Variants in ACSBG2 observed in about 807,000 individuals in gnomAD.
The protein encoded by ACSBG2 is long-chain-fatty-acid--CoA ligase ACSBG2.
ACSBG2 carries 62 observed loss-of-function variants against 74.7 expected under a neutral mutation model. That is an observed-to-expected ratio of 0.83 (90% CI 0.68 to 1.03). The LOEUF (loss-of-function observed/expected upper bound fraction) is 1.03, where lower values mean the gene tolerates loss of function less well. Among genes scored for constraint, ACSBG2 ranks in the 50% least tolerant of loss-of-function variants. The pLI, the probability that ACSBG2 is intolerant of heterozygous loss-of-function variation, is 0.00. For synonymous variants in ACSBG2, 309 were observed against 294.1 expected (o/e 1.05, Z -0.52); for missense variants, 730 against 817.6 (o/e 0.89, Z 1.31).
chr19:6,181,153 G>C (rs1373714972), intron 8 of ACSBG2, among the ~76,000 whole-genome samples: 1 of 149,924 alleles, frequency 6.7e-6, no homozygotes, highest in African/African-American at 2.5e-5. Flanking sequence ...AAACCTGGGA[G>C]GCAAAGGCTG....
At chr19:6,149,993 G>A (rs1307927151) in intron 3 of ACSBG2, among the ~76,000 whole-genome samples, 1 of 151,848 alleles carries the variant, frequency 6.6e-6, no homozygotes, top group African/African-American at 2.4e-5. Flanking sequence ...CCAGCTACTC[G>A]GGAGGGTGAG....
At chr19:6,159,713 C>T (rs772303613) in intron 5 of ACSBG2, among the ~76,000 whole-genome samples, 1 of 152,126 alleles carries the variant, frequency 6.6e-6, no homozygotes, top group Non-Finnish European at 1.5e-5. Context: ...AATTCTCTAG[C>T]GGTTTTCTGT....
intron 14 of ACSBG2, chr19:6,191,968 C>CA (rs1224741319): frequency 6.7e-6 from 1 of 149,914 alleles, no homozygotes; most frequent in African/African-American, 2.5e-5. Flanking sequence ...GACCCTCTTA[C>CA]ACCAGTGCTG....
At chr19:6,171,588 G>A (rs916909008) in intron 7 of ACSBG2, among the ~76,000 whole-genome samples, 6 of 152,048 alleles carry the variant, frequency 3.9e-5, no homozygotes, top group Non-Finnish European at 7.4e-5. Context: ...TCCACTGTAC[G>A]TCTGATGGAA....
At chr19:6,166,137 TAG>T (rs2089792296) in intron 7 of ACSBG2, 122 bp downstream of exon 7, 1 of 1,253,942 alleles carries the variant, frequency 8.0e-7, no homozygotes, top group Admixed American at 2.3e-5. Flanking sequence ...CATTGGGGGT[TAG>T]AGAGTAGCGT....
chr19:6,153,910 G>GA (rs1285878799), intron 4 of ACSBG2, among the ~76,000 whole-genome samples: 2 of 140,676 alleles, frequency 1.4e-5, no homozygotes, highest in Non-Finnish European at 1.6e-5. Flanking sequence ...AGAAGGAAAA[G>GA]AAAAAAGAAA....
chr19:6,177,181 G>A (rs759925751), intron 7 of ACSBG2, 48 bp from the exon 8 acceptor site: 1 of 1,590,578 alleles, frequency 6.3e-7, no homozygotes, highest in South Asian at 1.1e-5. Flanking sequence ...AAAATAAAAT[G>A]GCCCTTCTAT....
chr19:6,143,188 T>G (rs10401447), intron 2 of ACSBG2, among the ~76,000 whole-genome samples: 111,687 of 151,924 alleles, frequency 0.74, 41,563 homozygotes, highest in African/African-American at 0.83. Flanking sequence ...GGCATTACAG[T>G]CATGCACCAC....
Position 6,162,706 on chromosome 19 carries a change from C to CT in ACSBG2, c.588+1412dup, listed in dbSNP as rs371163329. The stretch of plus-strand genomic sequence containing the variant: ...ACAGCAGGGTTTCTCAACCTCCTTG[C>CT]TGTTGACATTTGGGGCAGGTAATTC... On this transcript the variant is annotated intron_variant, in intron 6 of 14. Transcript: ENST00000588485. 2.0e-3 allele frequency among the ~76,000 whole-genome samples: 304 copies of CT among 152,120 alleles called. 2 individuals are homozygous for CT. Among genetic ancestry groups the CT allele is most frequent in the African/African-American group, 7.0e-3 (289 of 41,512 alleles).
chr19:6,144,942 G>T (rs528611663), intron 2 of ACSBG2, among the ~76,000 whole-genome samples: 1 of 151,832 alleles, frequency 6.6e-6, no homozygotes, highest in Non-Finnish European at 1.5e-5. Context: ...GTGATCTGCC[G>T]GCGTCGGCCT....
chr19:6,151,475 C>A lies in ACSBG2; in HGVS notation c.298-232C>A, dbSNP rs551008213. On this transcript the variant is annotated intron_variant, in intron 3 of 14. Coordinates refer to ENST00000588485, the MANE Select transcript of ACSBG2 (RefSeq NM_030924.5). The stretch of plus-strand genomic sequence containing the variant: ...AGTGTGTACCACCATGCCCGGCGAA[C>A]TTTTCCACTTTTTTTGTAAAGACAG... Among the ~76,000 whole-genome samples, 14 of 152,120 alleles carry A rather than the reference C, an allele frequency of 9.2e-5. No homozygotes were observed. The South Asian group carries it at 1.7e-3, about 18-fold the overall frequency.
chr19:6,182,806 C>T lies in ACSBG2; in HGVS notation c.962C>T (p.Pro321Leu). Residue 321 changes from proline (P) to leucine (L), a missense_variant, in exon 9 of 15, where the codon CCT (proline) becomes CTT (leucine). Pro to Leu is a moderately conservative substitution (Grantham distance 98). Coordinates refer to ENST00000588485, the MANE Select transcript of ACSBG2 (RefSeq NM_030924.5). Reference sequence around the variant, plus strand: ...AAACCTACTGTCTTCATTGGAGTGCCTCAAATTTGGGAGAAGATACATGAG... The same window carrying T: ...AAACCTACTGTCTTCATTGGAGTGCTTCAAATTTGGGAGAAGATACATGAG... ...EVKPTVFIGV[P>L]QIWEKIHEMV... 1 of 1,614,106 alleles carries T rather than the reference C, an allele frequency of 6.2e-7. No homozygotes were observed. Among genetic ancestry groups the T allele is most frequent in the African/African-American group, 1.3e-5 (1 of 75,004 alleles).
intron 7 of ACSBG2, chr19:6,176,162 C>A (rs964869481): frequency 9.9e-6 from 5 of 505,032 alleles, no homozygotes; most frequent in Non-Finnish European, 1.6e-5. Flanking sequence ...ATTAAAAAAA[C>A]CGTTAGACCT....
chr19:6,184,840 A>G lies in ACSBG2; in HGVS notation c.1323-596A>G, dbSNP rs1167866532. Among the ~76,000 whole-genome samples the G allele has an allele frequency of 1.2e-3, 124 of 103,944 alleles. 5 individuals are homozygous for G. The highest frequency in any genetic ancestry group is 6.6e-3 in the African/African-American group (115 of 17,464). 68.2% of individuals were successfully genotyped at this position (103,944 alleles called of 152,430 possible). On this transcript the variant is annotated intron_variant, in intron 10 of 14. Transcript: ENST00000588485. The stretch of plus-strand genomic sequence containing the variant: ...CCGGCATATGTGGAGATGAAAAAAA[A>G]AAAAAAAAAAAAAAAAAAAAAAAAA...
At chr19:6,150,642 G>A (rs559950549) in intron 3 of ACSBG2, among the ~76,000 whole-genome samples, 1 of 152,312 alleles carries the variant, frequency 6.6e-6, no homozygotes, top group East Asian at 1.9e-4. Context: ...CCCTAGAGTC[G>A]TTAGACTCAT....
chr19:6,174,780 T>C lies in ACSBG2; in HGVS notation c.739-2449T>C, dbSNP rs528972971. Among the ~76,000 whole-genome samples the C allele has an allele frequency of 2.3e-4, 35 of 152,162 alleles. No homozygotes were observed. Among genetic ancestry groups the C allele is most frequent in the Non-Finnish European group, 4.6e-4 (31 of 68,024 alleles). ...GTGAGCTATGATGCTGCCACTGCAC[T>C]CCAGCCTGGGTGACAGAGTGAGGCC... is the stretch of plus-strand genomic sequence containing the variant. On this transcript the variant is annotated intron_variant, in intron 7 of 14. Coordinates refer to ENST00000588485, the MANE Select transcript of ACSBG2 (RefSeq NM_030924.5). The surrounding 1 kb of genome is among the most constrained non-coding windows in gnomAD (Gnocchi z 4.2).
At chr19:6,151,902 C>T (rs1472392064) in intron 4 of ACSBG2, 107 bp downstream of exon 4, 21 of 999,736 alleles carry the variant, frequency 2.1e-5, no homozygotes, top group Non-Finnish European at 2.9e-5. Flanking sequence ...TTTGGATGAA[C>T]GCCCTAGTTA....
intron 1 of ACSBG2, among the ~76,000 whole-genome samples, 154 bp from the exon 2 acceptor site, chr19:6,141,359 T>C (rs903814990): frequency 2.6e-5 from 4 of 152,118 alleles, no homozygotes; most frequent in Non-Finnish European, 4.4e-5. Context: ...TTATCTGGCA[T>C]GCCGGCCACT....
intron 10 of ACSBG2, among the ~76,000 whole-genome samples, chr19:6,184,023 G>C (rs2090332133): frequency 6.6e-6 from 1 of 152,074 alleles, no homozygotes; most frequent in South Asian, 2.1e-4. Context: ...GGCTGGCCTT[G>C]AATTCCTGGA....
Sources: gnomAD v4.1 joint callset for allele counts (sites outside exome capture counted in the v4.1 genomes callset) on GRCh38, gnomAD v4.1.1 for gene constraint, Gnocchi (gnomAD v3.1) non-coding constraint, MANE v1.5 for transcripts, NCBI Gene and HGNC (gene_info 2026-07-23, HGNC 2026-07-21) for gene names.